SMARCA2: variants seen among roughly 807,000 people sequenced by gnomAD.
SMARCA2 encodes SWI/SNF-related matrix-associated actin-dependent regulator of chromatin subfamily A member 2.
In SMARCA2, 61 loss-of-function variants were observed where a neutral mutation model predicts 199.8. The ratio of observed to expected loss-of-function variants is 0.31; its 90% CI spans 0.25 to 0.38. SMARCA2 has a LOEUF of 0.38. Ranked by LOEUF, SMARCA2 falls within the 10% of genes least tolerant of loss-of-function variation. The pLI, the probability that SMARCA2 is intolerant of heterozygous loss-of-function variation, is 1.00. For missense variants in SMARCA2, 1,344 were observed against 2,012.2 expected (o/e 0.67, Z 6.35); for synonymous variants, 935 against 732.0 (o/e 1.28, Z -4.48).
chr9:2,048,956 G>A (rs1249064798), intron 5 of SMARCA2, among the ~76,000 whole-genome samples: 1 of 152,194 alleles, frequency 6.6e-6, no homozygotes, highest in Non-Finnish European at 1.5e-5. Flanking sequence ...GAAAAAGTCA[G>A]TAATAGAATA....
At chr9:2,189,602 C>T (rs1246909013) in intron 32 of SMARCA2, among the ~76,000 whole-genome samples, 1 of 152,032 alleles carries the variant, frequency 6.6e-6, no homozygotes, top group Non-Finnish European at 1.5e-5. Flanking sequence ...TTTCCGTTTT[C>T]ATTAGTAGGT....
At chr9:2,185,666 A>ATAAG (rs1370405599) in intron 31 of SMARCA2, among the ~76,000 whole-genome samples, 2 of 152,216 alleles carry the variant, frequency 1.3e-5, no homozygotes, top group Non-Finnish European at 2.9e-5. Context: ...TGTTGATTGG[A>ATAAG]TAAGTGTTGG....
intron 27 of SMARCA2, among the ~76,000 whole-genome samples, chr9:2,146,407 A>G (rs2130703854): frequency 6.6e-6 from 1 of 152,284 alleles, no homozygotes. Context: ...ATCAGATCAT[A>G]GAGATCTCTA....
At chr9:2,175,874 TTTTG>T (rs200349414) in intron 29 of SMARCA2, among the ~76,000 whole-genome samples, 45 of 151,136 alleles carry the variant, frequency 3.0e-4, no homozygotes, top group East Asian at 7.8e-4. Flanking sequence ...TTTGGGTTTT[TTTTG>T]TTTGTTTGTT....
chr9:2,146,952 G>C lies in SMARCA2; in HGVS notation c.3982-14734G>C, dbSNP rs147953501. 2.0e-3 allele frequency among the ~76,000 whole-genome samples: 297 copies of C among 152,212 alleles called. 3 individuals carry two copies. The highest frequency in any genetic ancestry group is 3.3e-3 in the Admixed American group (51 of 15,298). On this transcript the variant is annotated intron_variant, in intron 27 of 33. Transcript: ENST00000349721. ...TTGTGCTGACCTCCCATCTCATCCTGTGACTGACAATGCCTTAACTGTCTG... is the reference window on the plus strand; with the variant it reads ...TTGTGCTGACCTCCCATCTCATCCTCTGACTGACAATGCCTTAACTGTCTG...
Position 2,072,794 on chromosome 9 carries a change from A to G in SMARCA2, c.1747-418A>G, listed in dbSNP as rs74582971. Reference sequence around the variant, plus strand: ...AGAACCTGACTCAGGGCTATCCCCAATATTATGCTCTACAACTGGTCTAGT... The same window carrying G: ...AGAACCTGACTCAGGGCTATCCCCAGTATTATGCTCTACAACTGGTCTAGT... On this transcript the variant is annotated intron_variant, in intron 10 of 33. Transcript: ENST00000349721. 7.4e-3 allele frequency among the ~76,000 whole-genome samples: 1,124 copies of G among 152,326 alleles called. 14 individuals are homozygous for G. Among genetic ancestry groups the G allele is most frequent in the African/African-American group, 0.026 (1,062 of 41,564 alleles).
chr9:2,080,745 T>A (rs1360028518), intron 14 of SMARCA2, among the ~76,000 whole-genome samples: 1 of 152,242 alleles, frequency 6.6e-6, no homozygotes, highest in Non-Finnish European at 1.5e-5. Context: ...AAGTATTGCT[T>A]CAAACCAATG....
chr9:2,024,314 T>C (rs1818731749), intron 1 of SMARCA2, among the ~76,000 whole-genome samples: 1 of 152,214 alleles, frequency 6.6e-6, no homozygotes, highest in Non-Finnish European at 1.5e-5. Flanking sequence ...ATTCTATGAC[T>C]GTGTTGGATA....
At position 2,086,583 on chromosome 9, in the gene SMARCA2, A is replaced by G. The variant is rs1821812743; in HGVS notation, c.2527-246A>G. Among the ~76,000 whole-genome samples the G allele has an allele frequency of 6.6e-6, 1 of 152,214 alleles. No individual in the cohort carries two copies. Among genetic ancestry groups the G allele is most frequent in the South Asian group, 2.1e-4 (1 of 4,834 alleles). On this transcript the variant is annotated intron_variant, in intron 17 of 33. Coordinates refer to ENST00000349721, the MANE Select transcript of SMARCA2 (RefSeq NM_003070.5). The surrounding 1 kb of genome is among the most constrained non-coding windows in gnomAD (Gnocchi z 4.3). ...TCTGGACCCAAATTTCCTTCTTTGT[A>G]AAAAGTTGATTTGGAATTACGTGGT... is the stretch of plus-strand genomic sequence containing the variant.
intron 19 of SMARCA2, 172 bp from the exon 20 acceptor site, chr9:2,096,485 T>C (rs1313236175): frequency 1.8e-6 from 1 of 546,186 alleles, no homozygotes; most frequent in Non-Finnish European, 3.3e-6. Context: ...CCTTGAACAA[T>C]GATGACTCTG....
At chr9:2,094,852 A>G (rs557485760) in intron 19 of SMARCA2, among the ~76,000 whole-genome samples, 1 of 152,262 alleles carries the variant, frequency 6.6e-6, no homozygotes, top group African/African-American at 2.4e-5. Context: ...TTTTACCATT[A>G]TACTTGTTAA....
chr9:2,051,786 G>A (rs1820130660), intron 5 of SMARCA2, among the ~76,000 whole-genome samples: 1 of 152,164 alleles, frequency 6.6e-6, no homozygotes, highest in Admixed American at 6.5e-5. Flanking sequence ...CTTTGGTATG[G>A]CCTTAACCTG....
intron 5 of SMARCA2, among the ~76,000 whole-genome samples, chr9:2,048,351 T>C (rs1819972325): frequency 6.6e-6 from 1 of 152,214 alleles, no homozygotes; most frequent in African/African-American, 2.4e-5. Context: ...GGCGAAGTTA[T>C]GTCTCTTTTC....
At chr9:2,172,934 C>T (rs1826336521) in intron 29 of SMARCA2, among the ~76,000 whole-genome samples, 2 of 152,140 alleles carry the variant, frequency 1.3e-5, no homozygotes, top group South Asian at 2.1e-4. Flanking sequence ...AGGAGGCATA[C>T]ATTAGGAGAA....
intron 5 of SMARCA2, among the ~76,000 whole-genome samples, chr9:2,053,590 C>T (rs1471235766): frequency 6.6e-6 from 1 of 152,160 alleles, no homozygotes; most frequent in Non-Finnish European, 1.5e-5. Context: ...AATTAAATAA[C>T]ATTGTACATT....
rs570368476 is a variant in SMARCA2, at chr9:2,191,506, C to A, written c.4737+98C>A. 3,587 of 1,291,778 alleles carry A rather than the reference C, an allele frequency of 2.8e-3. 8 individuals carry two copies. Among genetic ancestry groups the A allele is most frequent in the Non-Finnish European group, 3.5e-3 (3,189 of 914,620 alleles). 80.0% of individuals were successfully genotyped at this position (1,291,778 alleles called of 1,614,324 possible). ...CCCCTTCAGCCTTTTCGCTTTATTA[C>A]CCAGGACTGGAAATGTCAGGATTTA... On this transcript the variant is annotated intron_variant, in intron 33 of 33. Transcript: ENST00000349721.
chr9:2,103,266 A>G (rs1032426197), intron 22 of SMARCA2, among the ~76,000 whole-genome samples: 17 of 152,136 alleles, frequency 1.1e-4, no homozygotes, highest in Non-Finnish European at 1.9e-4. Context: ...CCTCTGTAAC[A>G]TGAAAGCAGC....
chr9:2,032,406 A>G (rs1416884257), intron 2 of SMARCA2: 2 of 152,380 alleles, frequency 1.3e-5, no homozygotes, highest in Non-Finnish European at 2.9e-5. Flanking sequence ...AGCTTTATCT[A>G]TTGCACACAC....
rs777544424 is a variant in SMARCA2, at chr9:2,192,737, T to C, written c.4771T>C (p.Ter1591ArgextTer28). The change falls in exon 34 of 34, where the codon TGA becomes CGA. Residue 1591 changes from the stop codon to arginine, a stop_lost. Coordinates refer to ENST00000349721, the MANE Select transcript of SMARCA2 (RefSeq NM_003070.5). ...QSEGSGTDDE[*>R] ...AGAAGGAAGTGGGACGGATGATGAG[T>C]GATCAGTATGGACCTTTTTCCTTGG... is the stretch of plus-strand genomic sequence containing the variant. 6.2e-7 allele frequency: 1 copy of C among 1,607,350 alleles called. No individual in the cohort carries two copies. Among genetic ancestry groups the C allele is most frequent in the Non-Finnish European group, 8.5e-7 (1 of 1,173,814 alleles).
Sources: allele counts gnomAD v4.1 joint callset (sites outside exome capture counted in the v4.1 genomes callset), GRCh38; gene constraint gnomAD v4.1.1; non-coding constraint Gnocchi (gnomAD v3.1); transcripts MANE v1.5; gene names NCBI Gene and HGNC (gene_info 2026-07-23, HGNC 2026-07-21).